Variants in AGBL4 observed in about 807,000 individuals in gnomAD.
AGBL4 encodes the protein cytosolic carboxypeptidase 6.
Under a neutral mutation model 66.4 loss-of-function variants are expected in AGBL4, and 58 were observed. The observed-to-expected ratio is 0.87, with a 90% CI of 0.71 to 1.09. AGBL4 has a LOEUF of 1.09. Among genes scored for constraint, AGBL4 ranks in the 50% least tolerant of loss-of-function variants. The probability of loss-of-function intolerance (pLI) is 0.00; values close to 1 mark genes in which losing one functional copy is unlikely to be tolerated. For synonymous variants in AGBL4, 234 were observed against 222.9 expected, an observed-to-expected ratio of 1.05 and a Z score of -0.44; for missense variants, 579 against 631.0, an observed-to-expected ratio of 0.92 and a Z score of 0.88.
At chr1:48,931,289 A>G (rs1655015788) in intron 5 of AGBL4, among the ~76,000 whole-genome samples, 1 of 152,202 alleles carries the variant, frequency 6.6e-6, no homozygotes, top group African/African-American at 2.4e-5. Context: ...ACAACATGAC[A>G]GGATTGGGAG....
At chr1:49,955,451 A>G (rs545055220) in intron 1 of AGBL4, among the ~76,000 whole-genome samples, 19 of 152,100 alleles carry the variant, frequency 1.2e-4, no homozygotes, top group Admixed American at 6.6e-4. Context: ...TCTTCCTTAA[A>G]GCATACAAAT....
chr1:49,074,087 C>G lies in AGBL4; in HGVS notation c.378-28287G>C, dbSNP rs573611966. ...CAGCAATGGCGGATGCCCCTCCCCCCACCAAGCTCCAGCATCCCAGGTCGA... is the reference window on the plus strand; with the variant it reads ...CAGCAATGGCGGATGCCCCTCCCCCGACCAAGCTCCAGCATCCCAGGTCGA... On this transcript the variant is annotated intron_variant, in intron 4 of 13. Transcript: ENST00000371839. 5.3e-5 allele frequency among the ~76,000 whole-genome samples: 8 copies of G among 152,330 alleles called. No homozygotes were observed. In the South Asian group the frequency reaches 6.2e-4, roughly 12 times the overall value.
chr1:49,898,373 T>A (rs1164175597), intron 1 of AGBL4, among the ~76,000 whole-genome samples: 2 of 151,978 alleles, frequency 1.3e-5, no homozygotes, highest in Non-Finnish European at 2.9e-5. Flanking sequence ...GGTGCTCAAA[T>A]TCATTGATCA....
At chr1:49,079,610 G>C (rs1474506526) in intron 4 of AGBL4, among the ~76,000 whole-genome samples, 1 of 152,170 alleles carries the variant, frequency 6.6e-6, no homozygotes, top group East Asian at 1.9e-4. Context: ...ATTACAATTT[G>C]AGATGAGATT....
At chr1:49,938,102 G>C (rs1265371954) in intron 1 of AGBL4, among the ~76,000 whole-genome samples, 1 of 149,632 alleles carries the variant, frequency 6.7e-6, no homozygotes, top group Non-Finnish European at 1.5e-5. Context: ...CCGCTAGCAA[G>C]ACTAATAAAG....
chr1:49,169,503 C>T (rs1569915895), intron 4 of AGBL4, among the ~76,000 whole-genome samples: 2 of 152,160 alleles, frequency 1.3e-5, no homozygotes, highest in Non-Finnish European at 2.9e-5. Flanking sequence ...ACTCATATAA[C>T]AAAATTAACT....
At chr1:49,898,702 T>C (rs1373856158) in intron 1 of AGBL4, among the ~76,000 whole-genome samples, 1 of 152,120 alleles carries the variant, frequency 6.6e-6, no homozygotes, top group Non-Finnish European at 1.5e-5. Flanking sequence ...TGGGCAAGAT[T>C]TGGAAGCAAC....
chr1:49,075,988 A>T (rs1359721791), intron 4 of AGBL4, among the ~76,000 whole-genome samples: 1 of 152,218 alleles, frequency 6.6e-6, no homozygotes, highest in African/African-American at 2.4e-5. Flanking sequence ...ATTCACAGAA[A>T]AATATATAAG....
intron 3 of AGBL4, among the ~76,000 whole-genome samples, chr1:49,617,039 G>A (rs1486271661): frequency 6.6e-6 from 1 of 152,032 alleles, no homozygotes; most frequent in Non-Finnish European, 1.5e-5. Context: ...GCCACTCCAG[G>A]ATTCACAACT....
At chr1:49,438,486 C>T (rs922592450) in intron 3 of AGBL4, among the ~76,000 whole-genome samples, 9 of 152,164 alleles carry the variant, frequency 5.9e-5, no homozygotes, top group African/African-American at 2.2e-4. Flanking sequence ...TTACAAGGTG[C>T]TAGTCCCAGG....
intron 3 of AGBL4, among the ~76,000 whole-genome samples, chr1:49,291,267 T>G (rs1233419638): frequency 1.3e-5 from 2 of 152,222 alleles, no homozygotes; most frequent in African/African-American, 2.4e-5. Flanking sequence ...GAAGACTCTC[T>G]TATATAAAGT....
intron 9 of AGBL4, among the ~76,000 whole-genome samples, chr1:48,624,871 G>T (rs1645473533): frequency 6.7e-6 from 1 of 149,898 alleles, no homozygotes. Context: ...TCACAAGTCT[G>T]TTCAGATGTT....
At chr1:49,137,728 A>G (rs1214648614) in intron 4 of AGBL4, among the ~76,000 whole-genome samples, 1 of 152,108 alleles carries the variant, frequency 6.6e-6, no homozygotes, top group Non-Finnish European at 1.5e-5. Flanking sequence ...TGCTAATAAG[A>G]GAATAACACA....
At chr1:49,381,682 T>C (rs1291608945) in intron 3 of AGBL4, among the ~76,000 whole-genome samples, 2 of 152,052 alleles carry the variant, frequency 1.3e-5, no homozygotes, top group East Asian at 3.9e-4. Flanking sequence ...AATGATGAGT[T>C]CATGTCCTTT....
rs377136189 is a variant in AGBL4, at chr1:49,956,629, T to C, written c.34+67134A>G. On this transcript the variant is annotated intron_variant, in intron 1 of 13. Transcript: ENST00000371839. ...TAAATTATTGGTAAAACAATCTTTA[T>C]CAAGCTTGATCCTCATTTAAAACAT... Among the ~76,000 whole-genome samples the C allele has an allele frequency of 3.4e-4, 52 of 152,028 alleles. 1 individual carries two copies. The South Asian group carries it at 9.5e-3, about 28-fold the overall frequency.
At chr1:49,329,650 A>G (rs1380180016) in intron 3 of AGBL4, among the ~76,000 whole-genome samples, 1 of 151,878 alleles carries the variant, frequency 6.6e-6, no homozygotes, top group African/African-American at 2.4e-5. Flanking sequence ...TAGGTAACAT[A>G]GTGAGACCCC....
At chr1:49,104,819 T>G (rs1437419774) in intron 4 of AGBL4, among the ~76,000 whole-genome samples, 1 of 152,140 alleles carries the variant, frequency 6.6e-6, no homozygotes, top group Non-Finnish European at 1.5e-5. Flanking sequence ...TGACCAAATA[T>G]TCACCTCTAA....
At chr1:49,565,266 G>T (rs1644165631) in intron 3 of AGBL4, among the ~76,000 whole-genome samples, 1 of 152,166 alleles carries the variant, frequency 6.6e-6, no homozygotes, top group African/African-American at 2.4e-5. Flanking sequence ...CAAATTGCCA[G>T]TCTGTGCCTT....
intron 2 of AGBL4, among the ~76,000 whole-genome samples, chr1:49,840,477 C>T (rs1334668325): frequency 6.6e-6 from 1 of 151,968 alleles, no homozygotes; most frequent in Admixed American, 6.6e-5. Context: ...TGAAACTATT[C>T]CAAAAAACTG....
Sources: allele counts gnomAD v4.1 joint callset (sites outside exome capture counted in the v4.1 genomes callset), GRCh38; gene constraint gnomAD v4.1.1; transcripts MANE v1.5; gene names NCBI Gene and HGNC (gene_info 2026-07-23, HGNC 2026-07-21).